FOCAD: variants seen among roughly 807,000 people sequenced by gnomAD.
The protein encoded by FOCAD is focadhesin, also known as KIAA1797.
FOCAD carries 198 observed loss-of-function variants against 225.6 expected under a neutral mutation model. The ratio of observed to expected loss-of-function variants is 0.88; its 90% confidence interval spans 0.78 to 0.99. The LOEUF (loss-of-function observed/expected upper bound fraction) is 0.99. Ranked by LOEUF, FOCAD falls within the 50% of genes least tolerant of loss-of-function variation. FOCAD has a pLI of 0.00. For missense variants in FOCAD, 2,713 were observed against 2,123.6 expected (o/e 1.28, Z -5.46); for synonymous variants, 897 against 755.0 (o/e 1.19, Z -3.08).
rs372515138 is a variant in FOCAD at position 20,835,387 on chromosome 9, T to C, written c.1920+12272T>C. Among the ~76,000 whole-genome samples the C allele has an allele frequency of 2.6e-5, 4 of 152,234 alleles. No homozygotes were observed. The South Asian group carries it at 8.3e-4, about 32-fold the overall frequency. ...GAGATATTCTTTCATTTGACTATAA[T>C]TCTTATGGTTTTGCAGTTGTATCAT... On this transcript the variant is annotated intron_variant, in intron 15 of 43. Transcript: ENST00000338382.
chr9:20,978,288 G>A lies in FOCAD; in HGVS notation c.4262-51G>A, dbSNP rs776336461. On this transcript the variant is annotated intron_variant, in intron 36 of 43. Coordinates refer to ENST00000338382, the MANE Select transcript of FOCAD (RefSeq NM_001375567.1). ...ATTTGAGATATTAAAGCCTGAAAAT[G>A]AGTCAGGAAAGTAACTATATATTCA... 11 of 1,219,846 alleles carry A rather than the reference G, an allele frequency of 9.0e-6. No homozygotes were observed. The South Asian group carries it at 1.7e-4, about 19-fold the overall frequency. 75.6% of individuals were successfully genotyped at this position (1,219,846 alleles called of 1,614,324 possible). A position where few individuals can be genotyped will look rare whatever the true frequency, so the allele number is the denominator to read the frequency against.
chr9:20,893,068 G>T (rs1831763935), intron 21 of FOCAD, among the ~76,000 whole-genome samples: 2 of 152,032 alleles, frequency 1.3e-5, no homozygotes, highest in Admixed American at 6.6e-5. Context: ...AGGCTGGAGT[G>T]CAGTGACTAT....
intron 27 of FOCAD, among the ~76,000 whole-genome samples, chr9:20,932,277 C>G (rs1418709041): frequency 6.6e-6 from 1 of 152,204 alleles, no homozygotes; most frequent in Non-Finnish European, 1.5e-5. Flanking sequence ...AAAAAGTGCT[C>G]TCTGCCTGGT....
intron 2 of FOCAD, among the ~76,000 whole-genome samples, chr9:20,664,626 T>G (rs1821839496): frequency 6.6e-6 from 1 of 151,424 alleles, no homozygotes; most frequent in African/African-American, 2.4e-5. Context: ...TCTTTTCTTT[T>G]CTTTTCTTTC....
chr9:20,792,754 G>A (rs1241780187), intron 11 of FOCAD, among the ~76,000 whole-genome samples: 1 of 152,122 alleles, frequency 6.6e-6, no homozygotes, highest in Non-Finnish European at 1.5e-5. Flanking sequence ...GTGTAAAAGT[G>A]TACACATTTG....
chr9:20,982,269 G>T lies in FOCAD; in HGVS notation c.4639-88G>T. On this transcript the variant is annotated intron_variant, in intron 38 of 43. Transcript: ENST00000338382. ...AAAATCTCATCAGCTGCTGTTCATGGGGATAAGAAAATCTAATAATTTGTC... is the reference window on the plus strand; with the variant it reads ...AAAATCTCATCAGCTGCTGTTCATGTGGATAAGAAAATCTAATAATTTGTC... The T allele has an allele frequency of 7.6e-6, 7 of 926,332 alleles. No individual in the cohort carries two copies. The South Asian group carries it at 9.9e-5, about 13-fold the overall frequency. The allele number at this position is 926,332 out of a possible 1,614,324, so 57.4% of individuals were successfully genotyped here. A position where few individuals can be genotyped will look rare whatever the true frequency, so the allele number is the denominator to read the frequency against.
chr9:20,787,232 A>G (rs913449960), intron 10 of FOCAD, among the ~76,000 whole-genome samples: 19 of 152,140 alleles, frequency 1.2e-4, no homozygotes, highest in African/African-American at 4.1e-4. Flanking sequence ...GTTCATGGTA[A>G]TTTCCAAATT....
intron 2 of FOCAD, among the ~76,000 whole-genome samples, chr9:20,667,761 C>G (rs1319020963): frequency 1.3e-5 from 2 of 152,038 alleles, no homozygotes; most frequent in Non-Finnish European, 2.9e-5. Flanking sequence ...CGTGGAAAAC[C>G]TTGGATTTCC....
At chr9:20,686,532 T>A (rs956685868) in intron 1 of FOCAD, among the ~76,000 whole-genome samples, 5 of 152,198 alleles carry the variant, frequency 3.3e-5, no homozygotes, top group African/African-American at 1.2e-4. Flanking sequence ...ATAATAACTA[T>A]ATTTGGAGGA....
At chr9:20,765,536 C>G (rs762686112) in intron 7 of FOCAD, among the ~76,000 whole-genome samples, 1 of 152,178 alleles carries the variant, frequency 6.6e-6, no homozygotes, top group Non-Finnish European at 1.5e-5. Context: ...CACATGTCCC[C>G]TTGCAACATA....
intron 15 of FOCAD, among the ~76,000 whole-genome samples, chr9:20,828,581 T>C (rs962856183): frequency 1.3e-5 from 2 of 152,088 alleles, no homozygotes; most frequent in South Asian, 4.1e-4. Flanking sequence ...TTTCTGCACA[T>C]CCTCACCAAC....
chr9:20,995,204 T>A (rs915929232), intron 43 of FOCAD, among the ~76,000 whole-genome samples: 15 of 152,052 alleles, frequency 9.9e-5, no homozygotes, highest in African/African-American at 3.4e-4. Context: ...ACCATATTCA[T>A]GTAGAAAAGA....
At chr9:20,662,515 G>T (rs1821758812) in intron 2 of FOCAD, among the ~76,000 whole-genome samples, 1 of 152,102 alleles carries the variant, frequency 6.6e-6, no homozygotes, top group South Asian at 2.1e-4. Context: ...AGGGTGACTG[G>T]GGACTTTGTC....
intron 2 of FOCAD, among the ~76,000 whole-genome samples, chr9:20,679,115 CTGTGTATGTGTGTGTGTG>C (rs1343073134): frequency 0.013 from 1,166 of 93,024 alleles, 12 homozygotes; most frequent in African/African-American, 0.044. Context: ...AACAGACAGT[CTGTGTATGTGTGTGTGTG>C]TGTGTGTGTG....
At chr9:20,855,428 T>A (rs945136106) in intron 15 of FOCAD, among the ~76,000 whole-genome samples, 12 of 151,704 alleles carry the variant, frequency 7.9e-5, no homozygotes, top group African/African-American at 2.4e-4. Flanking sequence ...AATTGTTTTT[T>A]AATTTTTATC....
At chr9:20,939,150 C>CAAAAAAAAAAAAAAAAAAAAAAAA (rs565280892) in intron 28 of FOCAD, among the ~76,000 whole-genome samples, 6 of 72,484 alleles carry the variant, frequency 8.3e-5, no homozygotes, top group East Asian at 3.6e-4. Context: ...ACTCTCTTCT[C>CAAAAAAAAAAAAAAAAAAAAAAAA]AAAAAAAAAA....
intron 10 of FOCAD, chr9:20,787,079 C>G (rs1819998027): frequency 3.2e-5 from 9 of 284,708 alleles, no homozygotes; most frequent in South Asian, 2.8e-4. Flanking sequence ...TAACCTTAGG[C>G]AAACAAACAA....
At chr9:20,800,585 C>T (rs193046151) in intron 11 of FOCAD, among the ~76,000 whole-genome samples, 2 of 152,108 alleles carry the variant, frequency 1.3e-5, no homozygotes, top group African/African-American at 4.8e-5. Context: ...CTTCTCGCTT[C>T]ATTTCATTCA....
chr9:20,956,721 G>T (rs1189795975), intron 35 of FOCAD, among the ~76,000 whole-genome samples: 1 of 152,014 alleles, frequency 6.6e-6, no homozygotes, highest in Non-Finnish European at 1.5e-5. Context: ...CATGAGGTTT[G>T]TTTTCATAAA....
Sources: allele counts gnomAD v4.1 joint callset (sites outside exome capture counted in the v4.1 genomes callset), GRCh38; gene constraint gnomAD v4.1.1; transcripts MANE v1.5; gene names NCBI Gene and HGNC (gene_info 2026-07-23, HGNC 2026-07-21).